CCDC91: variants seen among roughly 807,000 people sequenced by gnomAD.
CCDC91 encodes coiled-coil domain-containing protein 91.
Under a neutral mutation model 63.2 loss-of-function variants are expected in CCDC91, and 48 were observed. The observed-to-expected ratio is 0.76, with a 90% CI of 0.60 to 0.97. The LOEUF (loss-of-function observed/expected upper bound fraction) is 0.97. Ranked by LOEUF, CCDC91 falls within the 50% of genes least tolerant of loss-of-function variation. CCDC91 has a pLI of 0.00. For synonymous variants in CCDC91, 167 were observed against 165.8 expected, an observed-to-expected ratio of 1.01 and a Z score of -0.06; for missense variants, 500 against 494.6, an observed-to-expected ratio of 1.01 and a Z score of -0.10.
At chr12:28,510,665 T>C (rs2141272718) in intron 12 of CCDC91, among the ~76,000 whole-genome samples, 1 of 152,022 alleles carries the variant, frequency 6.6e-6, no homozygotes. Flanking sequence ...TATCAGTATC[T>C]CAGTTTAGTA....
intron 12 of CCDC91, among the ~76,000 whole-genome samples, chr12:28,509,105 C>T (rs1190549139): frequency 6.6e-6 from 1 of 151,860 alleles, no homozygotes; most frequent in Non-Finnish European, 1.5e-5. Context: ...TGTATGCTTC[C>T]AGGAACCACC....
chr12:28,390,273 A>C (rs755678039), intron 7 of CCDC91, among the ~76,000 whole-genome samples: 1 of 152,092 alleles, frequency 6.6e-6, no homozygotes, highest in Admixed American at 6.6e-5. Flanking sequence ...ATCTGTATTC[A>C]TAACAGAGAT....
chr12:28,364,386 T>A (rs1944133092), intron 7 of CCDC91, among the ~76,000 whole-genome samples: 1 of 151,638 alleles, frequency 6.6e-6, no homozygotes, highest in Non-Finnish European at 1.5e-5. Flanking sequence ...AGACTCCGTC[T>A]CAAAAAAAAA....
intron 7 of CCDC91, among the ~76,000 whole-genome samples, chr12:28,385,102 A>G (rs979637832): frequency 6.6e-6 from 1 of 152,160 alleles, no homozygotes; most frequent in African/African-American, 2.4e-5. Flanking sequence ...TGTTATTTTT[A>G]GTTAAAAATG....
chr12:28,246,567 G>A (rs994698025), intron 1 of CCDC91, among the ~76,000 whole-genome samples: 3 of 152,004 alleles, frequency 2.0e-5, no homozygotes, highest in African/African-American at 7.2e-5. Context: ...GCATGGATTT[G>A]GCATTCTTGT....
chr12:28,225,964 C>T (rs935360472), intron 1 of CCDC91: 1 of 152,188 alleles, frequency 6.6e-6, no homozygotes, highest in Non-Finnish European at 1.5e-5. Flanking sequence ...TGCTTCCAGC[C>T]TGTTGGTGAA....
intron 11 of CCDC91, among the ~76,000 whole-genome samples, chr12:28,478,748 A>G (rs1357495877): frequency 6.6e-6 from 1 of 152,202 alleles, no homozygotes; most frequent in Non-Finnish European, 1.5e-5. Context: ...TCTACAAAGA[A>G]CTTCAACAAA....
chr12:28,199,245 T>C (rs1168910773), intron 1 of CCDC91, among the ~76,000 whole-genome samples: 1 of 152,106 alleles, frequency 6.6e-6, no homozygotes, highest in Admixed American at 6.6e-5. Flanking sequence ...TTTTTTGAGT[T>C]CTCAGTGGTT....
chr12:28,266,290 G>A (rs1199982596), intron 3 of CCDC91, among the ~76,000 whole-genome samples: 1 of 151,930 alleles, frequency 6.6e-6, no homozygotes, highest in Non-Finnish European at 1.5e-5. Flanking sequence ...TGTGGAGTGA[G>A]GATTTCTGTC....
intron 12 of CCDC91, among the ~76,000 whole-genome samples, chr12:28,495,568 A>G (rs140220442): frequency 6.6e-6 from 1 of 151,766 alleles, no homozygotes; most frequent in African/African-American, 2.4e-5. Context: ...GCCCACCAGC[A>G]TTCGTAGCCT....
At chr12:28,370,064 C>A (rs1223366151) in intron 7 of CCDC91, among the ~76,000 whole-genome samples, 1 of 152,202 alleles carries the variant, frequency 6.6e-6, no homozygotes, top group Non-Finnish European at 1.5e-5. Flanking sequence ...ACATTCAACT[C>A]CTTGTTACAT....
intron 3 of CCDC91, among the ~76,000 whole-genome samples, chr12:28,285,870 T>G (rs1269891276): frequency 6.6e-6 from 1 of 152,004 alleles, no homozygotes; most frequent in East Asian, 1.9e-4. Flanking sequence ...ATTTGATGAT[T>G]ATTCTGATAA....
chr12:28,244,947 A>G (rs1945626212), intron 1 of CCDC91, among the ~76,000 whole-genome samples: 3 of 152,150 alleles, frequency 2.0e-5, no homozygotes. Flanking sequence ...TTGTTATTAT[A>G]GTAACAACAA....
intron 12 of CCDC91, among the ~76,000 whole-genome samples, chr12:28,529,097 TG>T (rs1309159621): frequency 6.6e-6 from 1 of 152,152 alleles, no homozygotes; most frequent in Non-Finnish European, 1.5e-5. Context: ...GGTTGGATTG[TG>T]AGAGATTATG....
At chr12:28,518,603 G>T (rs1940225595) in intron 12 of CCDC91, among the ~76,000 whole-genome samples, 1 of 152,018 alleles carries the variant, frequency 6.6e-6, no homozygotes, top group South Asian at 2.1e-4. Flanking sequence ...TCTGTGGGTT[G>T]TCTGTTTATT....
chr12:28,532,186 C>T (rs1941793707), intron 12 of CCDC91, among the ~76,000 whole-genome samples: 1 of 151,884 alleles, frequency 6.6e-6, no homozygotes. Flanking sequence ...GCTAAATGAG[C>T]AAATGGAATA....
intron 12 of CCDC91, among the ~76,000 whole-genome samples, chr12:28,509,305 T>C (rs1417697227): frequency 1.3e-5 from 2 of 151,956 alleles, no homozygotes; most frequent in African/African-American, 4.8e-5. Flanking sequence ...GTTCATTTGA[T>C]ATATACTGCC....
chr12:28,257,896 C>T (rs1946552979), intron 2 of CCDC91, among the ~76,000 whole-genome samples: 1 of 149,506 alleles, frequency 6.7e-6, no homozygotes, highest in Admixed American at 6.7e-5. Flanking sequence ...GGCCTGAGCT[C>T]AAGTCCTGGA....
chr12:28,360,657 T>C (rs956589769), intron 6 of CCDC91, among the ~76,000 whole-genome samples: 1 of 152,240 alleles, frequency 6.6e-6, no homozygotes, highest in African/African-American at 2.4e-5. Flanking sequence ...TTTGGGATTT[T>C]AGTTTTTGTA....
Sources: gnomAD v4.1 joint callset for allele counts (sites outside exome capture counted in the v4.1 genomes callset) on GRCh38, gnomAD v4.1.1 for gene constraint, MANE v1.5 for transcripts, NCBI Gene and HGNC (gene_info 2026-07-23, HGNC 2026-07-21) for gene names.